Variants in SLC12A2 observed in about 807,000 individuals in gnomAD.
The protein encoded by SLC12A2 is Na-K-2Cl cotransporter 1.
A neutral mutation model predicts 136.3 loss-of-function variants in SLC12A2; 67 were observed. That is an observed-to-expected ratio of 0.49 (90% CI 0.40 to 0.60). The LOEUF is 0.60. Ranked by LOEUF, SLC12A2 falls within the 20% of genes least tolerant of loss-of-function variation. SLC12A2 has a pLI of 0.00. For synonymous variants in SLC12A2, 619 were observed against 562.9 expected, an observed-to-expected ratio of 1.10 and a Z score of -1.41; for missense variants, 1,322 against 1,534.7, an observed-to-expected ratio of 0.86 and a Z score of 2.32.
intron 19 of SLC12A2, among the ~76,000 whole-genome samples, chr5:128,172,876 A>G (rs1178547290): frequency 1.3e-5 from 2 of 151,944 alleles, no homozygotes; most frequent in Admixed American, 1.3e-4. Context: ...GCTTGAACCC[A>G]GGAAGCAGAG....
intron 22 of SLC12A2, among the ~76,000 whole-genome samples, chr5:128,179,520 A>C (rs1447680807): frequency 6.6e-6 from 1 of 152,218 alleles, no homozygotes; most frequent in Non-Finnish European, 1.5e-5. Flanking sequence ...ATGATTCTGC[A>C]GACCACACAA....
intron 5 of SLC12A2, 139 bp downstream of exon 5, chr5:128,131,345 A>G: frequency 2.3e-6 from 2 of 870,116 alleles, no homozygotes. Context: ...TACAGGAGAT[A>G]GGCAAAGAAC....
chr5:128,152,919 T>G, intron 15 of SLC12A2, 114 bp downstream of exon 15: 1 of 664,778 alleles, frequency 1.5e-6, no homozygotes. Flanking sequence ...CTTGGGCAGT[T>G]TAATTATTCA....
chr5:128,123,767 T>G (rs1761677614), intron 4 of SLC12A2, among the ~76,000 whole-genome samples: 1 of 152,216 alleles, frequency 6.6e-6, no homozygotes. Context: ...ATGGCATCAT[T>G]AGAAAAGTAG....
chr5:128,142,615 A>G (rs183761593), intron 10 of SLC12A2, among the ~76,000 whole-genome samples: 5 of 152,176 alleles, frequency 3.3e-5, no homozygotes, highest in South Asian at 2.1e-4. Flanking sequence ...CATCTTGCAC[A>G]TGGTCATATT....
chr5:128,143,773 A>G (rs1192652964), intron 10 of SLC12A2, among the ~76,000 whole-genome samples: 1 of 151,724 alleles, frequency 6.6e-6, no homozygotes, highest in Non-Finnish European at 1.5e-5. Flanking sequence ...TTTTTTCAGT[A>G]TTGTATAAAC....
At chr5:128,110,769 T>A in intron 1 of SLC12A2, 1 of 1,465,848 alleles carries the variant, frequency 6.8e-7, no homozygotes, top group Non-Finnish European at 9.6e-7. Flanking sequence ...GGACAAAAGA[T>A]CACAATGAAG....
chr5:128,099,615 CAT>C (rs1581056953), intron 1 of SLC12A2, among the ~76,000 whole-genome samples: 1 of 152,148 alleles, frequency 6.6e-6, no homozygotes, highest in East Asian at 1.9e-4. Context: ...AAAACACAGA[CAT>C]ATTGTACAAG....
In SLC12A2 at chr5:128,084,994, C is replaced by G. The variant is rs1760038737; in HGVS notation, c.756+284C>G. ...GTGTGCACTTTCTTTCCCACCCACG[C>G]TCAACAGTCACCATCCCTCTGAATG... On this transcript the variant is annotated intron_variant, in intron 1 of 26. Coordinates refer to ENST00000262461, the MANE Select transcript of SLC12A2 (RefSeq NM_001046.3). The surrounding 1 kb of genome is among the most constrained non-coding windows in gnomAD (Gnocchi z 5.6). Among the ~76,000 whole-genome samples the G allele has an allele frequency of 6.7e-6, 1 of 150,148 alleles. No homozygotes were observed. Among genetic ancestry groups the G allele is most frequent in the African/African-American group, 2.5e-5 (1 of 40,550 alleles).
At chr5:128,134,013 T>C in intron 5 of SLC12A2, 152 bp from the exon 6 acceptor site, 1 of 485,628 alleles carries the variant, frequency 2.1e-6, no homozygotes, top group Non-Finnish European at 3.7e-6. Context: ...TAGTAATTTG[T>C]TCCTTTAGGT....
At chr5:128,150,419 G>A (rs1192371000) in intron 13 of SLC12A2, among the ~76,000 whole-genome samples, 1 of 151,646 alleles carries the variant, frequency 6.6e-6, no homozygotes, top group African/African-American at 2.4e-5. Context: ...TTATGATATA[G>A]TTTACCTGTA....
chr5:128,092,223 G>A (rs957469512), intron 1 of SLC12A2, among the ~76,000 whole-genome samples: 3 of 152,178 alleles, frequency 2.0e-5, no homozygotes, highest in African/African-American at 7.2e-5. Flanking sequence ...AACACATCCA[G>A]TATCTCAATA....
intron 20 of SLC12A2, among the ~76,000 whole-genome samples, chr5:128,175,939 T>C (rs1028305622): frequency 6.6e-6 from 1 of 152,162 alleles, no homozygotes; most frequent in South Asian, 2.1e-4. Flanking sequence ...AATGATTCTT[T>C]TTCCATTACA....
Position 128,131,240 on chromosome 5 carries a change from A to G in SLC12A2, c.1188+34A>G, listed in dbSNP as rs781050170. On this transcript the variant is annotated intron_variant, in intron 5 of 26. Transcript: ENST00000262461. ...CCTTCCTTCTAGTCATTCGTTTACC[A>G]AATCTTTATTGAGGGATTATATGCC... 14 of 1,607,916 alleles carry G rather than the reference A, an allele frequency of 8.7e-6. No individual in the cohort carries two copies. The Admixed American group carries it at 2.0e-4, about 23-fold the overall frequency.
chr5:128,133,893 T>C (rs1295287665), intron 5 of SLC12A2, among the ~76,000 whole-genome samples: 1 of 152,070 alleles, frequency 6.6e-6, no homozygotes, highest in Non-Finnish European at 1.5e-5. Context: ...TTTTACTTCT[T>C]TGTTAGCAAT....
chr5:128,125,137 A>G (rs1163392752), intron 4 of SLC12A2, among the ~76,000 whole-genome samples: 2 of 152,336 alleles, frequency 1.3e-5, no homozygotes, highest in African/African-American at 4.8e-5. Flanking sequence ...AAAGGATTTT[A>G]ACTCTTAAAA....
intron 1 of SLC12A2, among the ~76,000 whole-genome samples, chr5:128,086,180 G>C (rs189790823): frequency 9.2e-5 from 14 of 152,278 alleles, no homozygotes; most frequent in Admixed American, 2.0e-4. Context: ...ATAAGTTTTA[G>C]AAAGACATCC....
At chr5:128,110,337 AGTCTGGATATGAT>A in intron 1 of SLC12A2, 1 of 929,386 alleles carries the variant, frequency 1.1e-6, no homozygotes, top group Non-Finnish European at 1.8e-6. Context: ...GGGCTGGGTA[AGTCTGGATATGAT>A]GTCTGTGCAA....
chr5:128,100,996 A>G (rs961192925), intron 1 of SLC12A2, among the ~76,000 whole-genome samples: 1 of 152,204 alleles, frequency 6.6e-6, no homozygotes, highest in Non-Finnish European at 1.5e-5. Context: ...GACTTGGTTC[A>G]TTGTAAAGTC....
Sources: gnomAD v4.1 joint callset for allele counts (sites outside exome capture counted in the v4.1 genomes callset) on GRCh38, gnomAD v4.1.1 for gene constraint, Gnocchi (gnomAD v3.1) non-coding constraint, MANE v1.5 for transcripts, NCBI Gene and HGNC (gene_info 2026-07-23, HGNC 2026-07-21) for gene names.